Variants in NRXN3 observed in about 807,000 individuals in gnomAD.
NRXN3 encodes neurexin III.
Under a neutral mutation model 137.6 loss-of-function variants are expected in NRXN3, and 32 were observed. The observed-to-expected ratio is 0.23, with a 90% CI of 0.18 to 0.31. The LOEUF (loss-of-function observed/expected upper bound fraction) is 0.31, where lower values mean the gene tolerates loss of function less well. Ranked by LOEUF, NRXN3 falls within the 10% of genes least tolerant of loss-of-function variation. The pLI, the probability that NRXN3 is intolerant of heterozygous loss-of-function variation, is 1.00. For missense variants in NRXN3, 1,574 were observed against 2,062.5 expected, an observed-to-expected ratio of 0.76 and a Z score of 4.59; for synonymous variants, 798 against 784.5, an observed-to-expected ratio of 1.02 and a Z score of -0.29.
At chr14:79,042,828 G>T (rs924693926) in intron 15 of NRXN3, among the ~76,000 whole-genome samples, 1 of 152,054 alleles carries the variant, frequency 6.6e-6, no homozygotes, top group Non-Finnish European at 1.5e-5. Flanking sequence ...GGTATGGCCT[G>T]TCCTGCTGTC....
At chr14:79,180,512 G>C (rs533221232) in intron 15 of NRXN3, among the ~76,000 whole-genome samples, 2 of 152,246 alleles carry the variant, frequency 1.3e-5, no homozygotes, top group African/African-American at 2.4e-5. Context: ...GTGATACTTT[G>C]CTGAATAAAA....
chr14:79,616,093 T>C (rs543261349), intron 16 of NRXN3, among the ~76,000 whole-genome samples: 2 of 152,210 alleles, frequency 1.3e-5, no homozygotes, highest in South Asian at 4.2e-4. Context: ...AGTTAATCAA[T>C]TGACAACGGG....
chr14:78,480,558 C>T (rs1018634847), intron 4 of NRXN3, among the ~76,000 whole-genome samples: 2 of 152,140 alleles, frequency 1.3e-5, no homozygotes, highest in South Asian at 2.1e-4. Context: ...ATTGTTTTCA[C>T]AGTTGACCTG....
At chr14:78,548,770 C>T (rs570725651) in intron 4 of NRXN3, among the ~76,000 whole-genome samples, 6 of 152,274 alleles carry the variant, frequency 3.9e-5, no homozygotes, top group South Asian at 2.1e-4. Context: ...AATTCTGATT[C>T]GCCCTGTAGG....
chr14:79,849,899 A>T (rs2099388178), intron 20 of NRXN3, among the ~76,000 whole-genome samples: 1 of 152,176 alleles, frequency 6.6e-6, no homozygotes, highest in Non-Finnish European at 1.5e-5. Context: ...TATGAGGAAC[A>T]AAGGTATATG....
chr14:79,302,902 C>T (rs905263971), intron 15 of NRXN3, among the ~76,000 whole-genome samples: 1 of 151,982 alleles, frequency 6.6e-6, no homozygotes, highest in South Asian at 2.1e-4. Context: ...ACAGACCACA[C>T]AGACCACCAA....
In NRXN3 at chr14:79,551,238, C is replaced by T. The variant is rs148188631; in HGVS notation, c.3444+83836C>T. Among the ~76,000 whole-genome samples, 465 of 152,304 alleles carry T rather than the reference C, an allele frequency of 3.1e-3. 3 individuals carry two copies. Among genetic ancestry groups the T allele is most frequent in the African/African-American group, 0.011 (443 of 41,562 alleles). On this transcript the variant is annotated intron_variant, in intron 16 of 20. Coordinates refer to ENST00000335750, the MANE Select transcript of NRXN3 (RefSeq NM_001330195.2). ...GCCATCCCTTCCTTTCTTTCCCTCT[C>T]ATTCTTTCTCTTTTCCTGGCCCATA...
At chr14:78,311,744 T>G (rs1330070261) in intron 4 of NRXN3, among the ~76,000 whole-genome samples, 1 of 152,252 alleles carries the variant, frequency 6.6e-6, no homozygotes, top group East Asian at 1.9e-4. Flanking sequence ...GCTTTTTTTT[T>G]TGTGCACACA....
chr14:78,605,748 T>G (rs7153907), intron 4 of NRXN3, among the ~76,000 whole-genome samples: 27,764 of 152,160 alleles, frequency 0.18, 2,844 homozygotes, highest in South Asian at 0.25. Context: ...GAATCACATT[T>G]TATACGTGTT....
intron 8 of NRXN3, among the ~76,000 whole-genome samples, chr14:78,793,982 A>G (rs1000642577): frequency 6.6e-6 from 1 of 152,192 alleles, no homozygotes; most frequent in Non-Finnish European, 1.5e-5. Context: ...TGTGATAAAA[A>G]TAGCAAAAAA....
intron 15 of NRXN3, among the ~76,000 whole-genome samples, chr14:79,034,105 C>A (rs1178429598): frequency 6.6e-6 from 1 of 152,030 alleles, no homozygotes; most frequent in East Asian, 1.9e-4. Context: ...ATTAAAATGA[C>A]TGATTCCTGG....
chr14:78,825,909 G>A (rs2098965274), intron 10 of NRXN3, among the ~76,000 whole-genome samples: 2 of 152,146 alleles, frequency 1.3e-5, no homozygotes, highest in Non-Finnish European at 2.9e-5. Context: ...AAAGTCACAG[G>A]GATTGACTAT....
chr14:78,579,729 G>C (rs532098793), intron 4 of NRXN3, among the ~76,000 whole-genome samples: 1 of 152,206 alleles, frequency 6.6e-6, no homozygotes, highest in South Asian at 2.1e-4. Context: ...GGCAGAGGTG[G>C]GAGCATGAAA....
At position 79,861,249 on chromosome 14, in the gene NRXN3, T is replaced by A. The variant is rs1603620585; in HGVS notation, c.4094-93T>A. The A allele has an allele frequency of 1.3e-6, 2 of 1,535,532 alleles. No homozygotes were observed. The highest frequency in any genetic ancestry group is 1.7e-6 in the Non-Finnish European group (2 of 1,146,664). ...GATGGTTGTGATGATGATGGCTTGG[T>A]GATATCTGGGTATGGCTCAGGGGAA... On this transcript the variant is annotated intron_variant, in intron 20 of 20. Coordinates refer to ENST00000335750, the MANE Select transcript of NRXN3 (RefSeq NM_001330195.2). This position sits in a 1 kb window ranked among gnomAD's most constrained non-coding sequence, Gnocchi z 5.4.
intron 15 of NRXN3, among the ~76,000 whole-genome samples, chr14:79,295,360 C>G (rs1245042438): frequency 6.6e-6 from 1 of 151,956 alleles, no homozygotes; most frequent in Admixed American, 6.6e-5. Flanking sequence ...CTAAAAAGCA[C>G]TCTTTTTTAG....
Position 79,629,131 on chromosome 14 carries a change from T to C in NRXN3, c.3445-34647T>C, listed in dbSNP as rs115372721. ...GATTAATTAGTATATTAATCTTAGA[T>C]AAATGTCCCCAGATAATTTTTAAAT... On this transcript the variant is annotated intron_variant, in intron 16 of 20. Transcript: ENST00000335750. Among the ~76,000 whole-genome samples the C allele has an allele frequency of 5.1e-3, 775 of 152,338 alleles. 7 individuals are homozygous for C. Among genetic ancestry groups the C allele is most frequent in the African/African-American group, 0.018 (744 of 41,576 alleles).
At chr14:78,838,087 A>G (rs762007582) in intron 10 of NRXN3, among the ~76,000 whole-genome samples, 99 of 152,334 alleles carry the variant, frequency 6.5e-4, no homozygotes, top group African/African-American at 2.3e-3. Flanking sequence ...AAATAGAAAT[A>G]GTATAATCTT....
chr14:78,709,578 T>C lies in NRXN3; in HGVS notation c.1583T>C (p.Ile528Thr), dbSNP rs1198726316. Reference sequence around the variant, plus strand: ...CTGCTTGACATGGGCTCTGGCACCATCAAAGTGAAAGCCACTCAGAAGAAA... The same window carrying C: ...CTGCTTGACATGGGCTCTGGCACCACCAAAGTGAAAGCCACTCAGAAGAAA... Reference protein sequence around the residue: ...YLLLDMGSGTIKVKATQKKAN... With the variant: ...YLLLDMGSGTTKVKATQKKAN... The change falls in exon 7 of 21, where the codon ATC becomes ACC. Residue 528 changes from isoleucine to threonine, a missense_variant. Physicochemically the swap from Ile to Thr is moderately conservative, Grantham distance 89. Transcript: ENST00000335750. The C allele has an allele frequency of 1.9e-6, 3 of 1,613,784 alleles. No homozygotes were observed. Among genetic ancestry groups the C allele is most frequent in the Non-Finnish European group, 1.7e-6 (2 of 1,179,996 alleles).
At chr14:79,006,359 C>A (rs2152366279) in intron 15 of NRXN3, among the ~76,000 whole-genome samples, 1 of 151,352 alleles carries the variant, frequency 6.6e-6, no homozygotes, top group South Asian at 2.1e-4. Context: ...CAAACAAAAA[C>A]CCCAAAAGCA....
Sources: allele counts gnomAD v4.1 joint callset (sites outside exome capture counted in the v4.1 genomes callset), GRCh38; gene constraint gnomAD v4.1.1; non-coding constraint Gnocchi (gnomAD v3.1); transcripts MANE v1.5; gene names NCBI Gene and HGNC (gene_info 2026-07-23, HGNC 2026-07-21).